The following AGT variants were observed in gnomAD, a reference collection of about 807,000 sequenced individuals.
AGT encodes the protein alpha-1 antiproteinase, antitrypsin.
Under a neutral mutation model 28.1 loss-of-function variants are expected in AGT, and 26 were observed. The ratio of observed to expected loss-of-function variants is 0.92; its 90% CI spans 0.68 to 1.28. The LOEUF (loss-of-function observed/expected upper bound fraction) is 1.28. Ranked by LOEUF, AGT falls within the 50% of genes most tolerant of loss-of-function variation. The probability of loss-of-function intolerance (pLI) is 0.00; values close to 1 mark genes in which losing one functional copy is unlikely to be tolerated. For synonymous variants in AGT, 259 were observed against 259.6 expected, an observed-to-expected ratio of 1.00 and a Z score of 0.02; for missense variants, 596 against 592.3, an observed-to-expected ratio of 1.01 and a Z score of -0.06.
At chr1:230,720,722 T>C (rs990016417) in intron 1 of AGT, among the ~76,000 whole-genome samples, 1 of 152,216 alleles carries the variant, frequency 6.6e-6, no homozygotes, top group Non-Finnish European at 1.5e-5. Context: ...GTAGAGTCTT[T>C]GCTTTAACCT....
upstream of AGT, among the ~76,000 whole-genome samples, chr1:230,716,833 C>T (rs924253513): frequency 2.0e-5 from 3 of 151,802 alleles, no homozygotes; most frequent in African/African-American, 4.8e-5. Context: ...CAGTCAGAAT[C>T]GGATCCAGGA....
intron 1 of AGT, among the ~76,000 whole-genome samples, chr1:230,711,319 C>G (rs1663585294): frequency 6.6e-6 from 1 of 152,076 alleles, no homozygotes; most frequent in Admixed American, 6.6e-5. Context: ...GAGAAGACGG[C>G]CATCTACAAG....
intron 1 of AGT, among the ~76,000 whole-genome samples, chr1:230,727,533 T>C (rs757190446): frequency 1.3e-5 from 2 of 152,198 alleles, no homozygotes; most frequent in Non-Finnish European, 2.9e-5. Context: ...CCATTAAGTG[T>C]GAAAACTTAA....
chr1:230,704,611 G>A (rs1358413639), intron 3 of AGT, among the ~76,000 whole-genome samples: 2 of 152,234 alleles, frequency 1.3e-5, no homozygotes, highest in Non-Finnish European at 2.9e-5. Flanking sequence ...CTGTTTTTAG[G>A]TTGGCTGCAT....
intron 1 of AGT, among the ~76,000 whole-genome samples, chr1:230,711,331 C>T (rs1018878897): frequency 6.6e-6 from 1 of 152,120 alleles, no homozygotes; most frequent in Non-Finnish European, 1.5e-5. Flanking sequence ...ATCTACAAGC[C>T]AAGGATAGAG....
chr1:230,729,941 C>T (rs188971639), intron 1 of AGT, among the ~76,000 whole-genome samples: 74 of 151,986 alleles, frequency 4.9e-4, no homozygotes, highest in African/African-American at 1.7e-3. Context: ...GCAGGTGGAT[C>T]ACGAGGTCAG....
chr1:230,710,567 A>G lies in AGT; in HGVS notation c.257T>C (p.Leu86Pro). The G allele has an allele frequency of 6.2e-7, 1 of 1,614,240 alleles. No individual in the cohort carries two copies. Among genetic ancestry groups the G allele is most frequent in the South Asian group, 1.1e-5 (1 of 91,080 alleles). The change falls in exon 2 of 5, where the codon CTT (leucine) becomes CCT (proline). Residue 86 changes from leucine to proline, a missense_variant. Physicochemically the swap from Leu to Pro is moderately conservative, Grantham distance 98. Coordinates refer to ENST00000366667, the MANE Select transcript of AGT (RefSeq NM_001384479.1). ...GGCCCTCAACTTGTCTTCGGTGTCA[A>G]GTTTTGCAGCGACTAGCACCAGCTG... ...QDQLVLVAAK[L>P]DTEDKLRAAM...
chr1:230,717,134 C>T (rs1571980872), upstream of AGT, among the ~76,000 whole-genome samples: 1 of 147,656 alleles, frequency 6.8e-6, no homozygotes, highest in South Asian at 2.2e-4. Flanking sequence ...GTGGCTGGGG[C>T]AAAGCTACAA....
intron 1 of AGT, among the ~76,000 whole-genome samples, chr1:230,722,721 G>T (rs569274026): frequency 5.3e-5 from 8 of 152,264 alleles, no homozygotes; most frequent in African/African-American, 1.9e-4. Context: ...CTTCTGTTTT[G>T]GCCAATTTAT....
intron 1 of AGT, among the ~76,000 whole-genome samples, chr1:230,744,932 T>C (rs1448377131): frequency 6.6e-6 from 1 of 152,156 alleles, no homozygotes; most frequent in Non-Finnish European, 1.5e-5. Context: ...CCTGCCGAGG[T>C]GTCACCAGAA....
chr1:230,741,135 A>C (rs1428135775), intron 1 of AGT, among the ~76,000 whole-genome samples: 1 of 152,182 alleles, frequency 6.6e-6, no homozygotes, highest in Non-Finnish European at 1.5e-5. Context: ...AGCAGAAGGC[A>C]GACAGGTATA....
At chr1:230,742,417 G>A (rs886138726) in intron 1 of AGT, among the ~76,000 whole-genome samples, 6 of 152,192 alleles carry the variant, frequency 3.9e-5, no homozygotes, top group South Asian at 2.1e-4. Context: ...CCGGGTTCAA[G>A]CAATTCTCCT....
intron 1 of AGT, among the ~76,000 whole-genome samples, chr1:230,721,749 A>C (rs995831978): frequency 2.6e-5 from 4 of 152,244 alleles, no homozygotes; most frequent in African/African-American, 9.6e-5. Flanking sequence ...AACTGGCAGC[A>C]TTTTACCCCT....
At chr1:230,710,942 C>G in intron 1 of AGT, 89 bp from the exon 2 acceptor site, 1 of 1,484,640 alleles carries the variant, frequency 6.7e-7, no homozygotes, top group Non-Finnish European at 9.2e-7. Flanking sequence ...CTCAATATTC[C>G]CTGTCACCAT....
At chr1:230,741,975 G>A (rs1664255504) in intron 1 of AGT, among the ~76,000 whole-genome samples, 1 of 152,120 alleles carries the variant, frequency 6.6e-6, no homozygotes, top group African/African-American at 2.4e-5. Flanking sequence ...AGGATCTCTT[G>A]AGCCCAGGAG....
At chr1:230,744,200 C>G (rs892383951) in intron 1 of AGT, among the ~76,000 whole-genome samples, 1 of 152,168 alleles carries the variant, frequency 6.6e-6, no homozygotes, top group Non-Finnish European at 1.5e-5. Flanking sequence ...CCTGGTAGAC[C>G]TTAGATTGCA....
intron 1 of AGT, among the ~76,000 whole-genome samples, chr1:230,729,226 C>G (rs1268488091): frequency 2.0e-5 from 3 of 152,214 alleles, no homozygotes; most frequent in African/African-American, 7.2e-5. Context: ...CCGCACTCAG[C>G]AACAGCCTGT....
chr1:230,710,549 A>C lies in AGT; in HGVS notation c.275T>G (p.Leu92Trp). ...VAAKLDTEDKLRAAMVGMLAN... is the reference protein window; with the variant it reads ...VAAKLDTEDKWRAAMVGMLAN... ...CAGCATCCCGACCATTGCGGCCCTC[A>C]ACTTGTCTTCGGTGTCAAGTTTTGC... is the stretch of plus-strand genomic sequence containing the variant. The change falls in exon 2 of 5, where the codon TTG becomes TGG. Residue 92 changes from leucine (L) to tryptophan (W), a missense_variant. Leu to Trp is a moderately conservative substitution (Grantham distance 61). Transcript: ENST00000366667. 6.2e-7 allele frequency: 1 copy of C among 1,614,160 alleles called. No individual in the cohort carries two copies. The highest frequency in any genetic ancestry group is 1.7e-5 in the Admixed American group (1 of 60,016).
At chr1:230,717,412 C>A (rs1663759210), upstream of AGT, among the ~76,000 whole-genome samples, 1 of 152,134 alleles carries the variant, frequency 6.6e-6, no homozygotes, top group African/African-American at 2.4e-5. Context: ...AAAACTAAAC[C>A]AAACCAGGAA....
Sources: allele counts gnomAD v4.1 joint callset (sites outside exome capture counted in the v4.1 genomes callset), GRCh38; gene constraint gnomAD v4.1.1; transcripts MANE v1.5; gene names NCBI Gene and HGNC (gene_info 2026-07-23, HGNC 2026-07-21).